SMAP1: variants seen among roughly 807,000 people sequenced by gnomAD.
The protein encoded by SMAP1 is stromal membrane-associated protein 1.
Under a neutral mutation model 58.5 loss-of-function variants are expected in SMAP1, and 24 were observed. The observed-to-expected ratio is 0.41, with a 90% CI of 0.30 to 0.58. SMAP1 has a LOEUF of 0.58. SMAP1 is among the 20% of genes least tolerant of loss of function. The probability of loss-of-function intolerance (pLI) is 0.29; values close to 1 mark genes in which losing one functional copy is unlikely to be tolerated. For synonymous variants in SMAP1, 216 were observed against 196.6 expected (o/e 1.10, Z -0.82); for missense variants, 563 against 566.3 (o/e 0.99, Z 0.06).
At chr6:70,702,815 G>A (rs1461582842) in intron 1 of SMAP1, among the ~76,000 whole-genome samples, 1 of 151,996 alleles carries the variant, frequency 6.6e-6, no homozygotes, top group Admixed American at 6.6e-5. Context: ...GTTTGTTATA[G>A]AGACAGGGTC....
chr6:70,804,972 A>T (rs1202176823), intron 6 of SMAP1, among the ~76,000 whole-genome samples: 1 of 149,004 alleles, frequency 6.7e-6, no homozygotes, highest in Non-Finnish European at 1.5e-5. Flanking sequence ...TATGACAATT[A>T]TGTGTCTTGG....
intron 4 of SMAP1, 96 bp from the exon 5 acceptor site, chr6:70,791,593 C>A: frequency 9.8e-7 from 1 of 1,016,618 alleles, no homozygotes; most frequent in Non-Finnish European, 1.5e-6. Flanking sequence ...TTCTATATCT[C>A]AAAAATATAC....
intron 1 of SMAP1, among the ~76,000 whole-genome samples, chr6:70,683,775 A>T (rs962016174): frequency 2.0e-5 from 3 of 152,188 alleles, no homozygotes; most frequent in African/African-American, 7.2e-5. Flanking sequence ...TTAGAGATAC[A>T]AGAGACCTGT....
chr6:70,858,295 T>A, intron 10 of SMAP1, 66 bp downstream of exon 10: 1 of 1,209,588 alleles, frequency 8.3e-7, no homozygotes, highest in Non-Finnish European at 1.1e-6. Flanking sequence ...ATCTTTTTTT[T>A]TTTTTTTTTT....
intron 4 of SMAP1, among the ~76,000 whole-genome samples, chr6:70,786,155 A>G (rs1394507690): frequency 6.6e-6 from 1 of 151,876 alleles, no homozygotes; most frequent in Non-Finnish European, 1.5e-5. Flanking sequence ...AATATACACA[A>G]ATCAATAAAT....
chr6:70,809,779 ATTCT>A (rs1319965175), intron 6 of SMAP1, among the ~76,000 whole-genome samples: 1 of 152,218 alleles, frequency 6.6e-6, no homozygotes, highest in Admixed American at 6.5e-5. Flanking sequence ...GTTTTGGAAG[ATTCT>A]TTATATTTTC....
At chr6:70,784,668 A>G (rs1459741721) in intron 4 of SMAP1, among the ~76,000 whole-genome samples, 1 of 152,214 alleles carries the variant, frequency 6.6e-6, no homozygotes, top group East Asian at 1.9e-4. Context: ...CTCTGATAAA[A>G]CAGACTTCAA....
intron 1 of SMAP1, among the ~76,000 whole-genome samples, chr6:70,682,639 A>C (rs1409278710): frequency 6.6e-6 from 1 of 151,982 alleles, no homozygotes; most frequent in Non-Finnish European, 1.5e-5. Context: ...TTTTTTTTTC[A>C]GAATAAAATC....
intron 6 of SMAP1, among the ~76,000 whole-genome samples, chr6:70,814,007 G>A (rs868817367): frequency 1.3e-5 from 2 of 152,134 alleles, no homozygotes; most frequent in South Asian, 2.1e-4. Context: ...AATGTGCAGC[G>A]ATGAAAGGAG....
chr6:70,748,437 T>TTC (rs1766137706), intron 2 of SMAP1, among the ~76,000 whole-genome samples: 1 of 152,284 alleles, frequency 6.6e-6, no homozygotes, highest in South Asian at 2.1e-4. Context: ...ACAATGATGT[T>TTC]TCTATAAGAT....
In SMAP1 at chr6:70,861,281, T is replaced by TTGTC; in HGVS notation, c.*951_*954dup. On this transcript the variant is annotated 3_prime_UTR_variant, in exon 11 of 11. Transcript: ENST00000370455. The stretch of plus-strand genomic sequence containing the variant: ...CAGGAACGTTTAGCTGACAAAATAC[T>TTGTC]TGTCTGTTTTAAAAACCTGTTCAAG... The TTGTC allele has an allele frequency of 5.4e-6, 1 of 185,640 alleles. No homozygotes were observed. The highest frequency in any genetic ancestry group is 1.1e-5 in the Non-Finnish European group (1 of 87,590). 11.5% of individuals were successfully genotyped at this position (185,640 alleles called of 1,614,324 possible). A position where few individuals can be genotyped will look rare whatever the true frequency, so the allele number is the denominator to read the frequency against.
chr6:70,785,527 A>T (rs1767974411), intron 4 of SMAP1, among the ~76,000 whole-genome samples: 1 of 152,220 alleles, frequency 6.6e-6, no homozygotes, highest in Non-Finnish European at 1.5e-5. Context: ...GTTTTTTGAA[A>T]GGATCAACAA....
At chr6:70,841,073 G>A (rs1282881686) in intron 7 of SMAP1, among the ~76,000 whole-genome samples, 1 of 152,164 alleles carries the variant, frequency 6.6e-6, no homozygotes, top group Non-Finnish European at 1.5e-5. Flanking sequence ...CAATTGGTTA[G>A]GACAGTTCCC....
intron 1 of SMAP1, among the ~76,000 whole-genome samples, chr6:70,718,819 C>CAAAAAA (rs5877259): frequency 7.0e-5 from 4 of 57,516 alleles, no homozygotes; most frequent in East Asian, 5.4e-4. Flanking sequence ...GACTCCATCT[C>CAAAAAA]AAAAAAAAAA....
chr6:70,690,345 T>C (rs1767108322), intron 1 of SMAP1, among the ~76,000 whole-genome samples: 2 of 152,112 alleles, frequency 1.3e-5, no homozygotes, highest in African/African-American at 4.8e-5. Flanking sequence ...TCGCTCTTGT[T>C]GCCCAGGCTG....
At chr6:70,807,385 A>G (rs751616389) in intron 6 of SMAP1, among the ~76,000 whole-genome samples, 3 of 152,234 alleles carry the variant, frequency 2.0e-5, no homozygotes, top group African/African-American at 2.4e-5. Context: ...ATTTAAATAG[A>G]TATCTCTCTT....
intron 2 of SMAP1, among the ~76,000 whole-genome samples, chr6:70,733,169 C>T (rs963672352): frequency 6.6e-6 from 1 of 152,068 alleles, no homozygotes; most frequent in Non-Finnish European, 1.5e-5. Context: ...CTTATTTATG[C>T]CCTTTTGAAA....
chr6:70,787,993 G>C (rs936728097), intron 4 of SMAP1, among the ~76,000 whole-genome samples: 10 of 152,002 alleles, frequency 6.6e-5, no homozygotes, highest in Non-Finnish European at 1.2e-4. Flanking sequence ...ATAAAGACAC[G>C]TGCCCACGTA....
chr6:70,836,229 T>C (rs1770578183), intron 6 of SMAP1, among the ~76,000 whole-genome samples: 2 of 152,126 alleles, frequency 1.3e-5, no homozygotes, highest in African/African-American at 4.8e-5. Context: ...TCCATGTGGC[T>C]GGGGAGGCCT....
Sources: allele counts gnomAD v4.1 joint callset (sites outside exome capture counted in the v4.1 genomes callset), GRCh38; gene constraint gnomAD v4.1.1; transcripts MANE v1.5; gene names NCBI Gene and HGNC (gene_info 2026-07-23, HGNC 2026-07-21).